MARF1: variants seen among roughly 807,000 people sequenced by gnomAD.
MARF1 encodes the protein limkain-b1.
A neutral mutation model predicts 168.2 loss-of-function variants in MARF1; 24 were observed. The observed-to-expected ratio is 0.14, with a 90% CI of 0.10 to 0.20. The LOEUF is 0.20. Among genes scored for constraint, MARF1 ranks in the 10% least tolerant of loss-of-function variants. MARF1 has a pLI of 1.00. For synonymous variants in MARF1, 868 were observed against 822.4 expected (o/e 1.06, Z -0.95); for missense variants, 1,744 against 2,143.6 (o/e 0.81, Z 3.68).
intron 5 of MARF1, among the ~76,000 whole-genome samples, chr16:15,632,553 G>A (rs1309327489): frequency 1.3e-5 from 2 of 152,178 alleles, no homozygotes; most frequent in East Asian, 3.8e-4. Context: ...GATCTGGGGT[G>A]AGGTGGTAGA....
At chr16:15,612,525 C>G (rs2033660092) in intron 17 of MARF1, 32 bp downstream of exon 17, 1 of 1,571,342 alleles carries the variant, frequency 6.4e-7, no homozygotes, top group Middle Eastern at 1.7e-4. Flanking sequence ...ACATTCCTGC[C>G]TGTAAACAAG....
At position 15,636,336 on chromosome 16, in the gene MARF1, A is replaced by G; in HGVS notation, c.151T>C (p.Tyr51His). 6.5e-7 allele frequency: 1 copy of G among 1,535,090 alleles called. No homozygotes were observed. ...ACAGCAACTTTCTTGTTCTCCATGTACTCTTTCTGAGAAAAGAAAATCAGA... is the reference window on the plus strand; with the variant it reads ...ACAGCAACTTTCTTGTTCTCCATGTGCTCTTTCTGAGAAAAGAAAATCAGA... ...TLPHSPQTKE[Y>H]MENKKVAVEL... The change falls in exon 3 of 27, where the codon TAC (tyrosine) becomes CAC (histidine). Residue 51 changes from tyrosine to histidine, a missense_variant. This residue lies in a region of MARF1 where 318 missense variants were observed against 336.6 expected (regional missense o/e 0.94). Coordinates refer to ENST00000396368, the MANE Select transcript of MARF1 (RefSeq NM_014647.4).
At chr16:15,632,928 G>T (rs1333093364) in intron 5 of MARF1, among the ~76,000 whole-genome samples, 4 of 152,036 alleles carry the variant, frequency 2.6e-5, no homozygotes, top group Non-Finnish European at 5.9e-5. Context: ...TTTGTAAATT[G>T]TGAATTATAT....
chr16:15,643,051 G>GGCCCCGCCGCC lies in MARF1; in HGVS notation c.-103_-93dup, dbSNP rs1363190789. 2 of 284,960 alleles carry GGCCCCGCCGCC rather than the reference G, an allele frequency of 7.0e-6. No individual in the cohort carries two copies. Among genetic ancestry groups the GGCCCCGCCGCC allele is most frequent in the Non-Finnish European group, 1.4e-5 (2 of 147,840 alleles). The allele number at this position is 284,960 out of a possible 1,614,324, so 17.7% of individuals were successfully genotyped here. A position where few individuals can be genotyped will look rare whatever the true frequency, so the allele number is the denominator to read the frequency against. ...CCGGCTCCACCTCCGCTCACATTCC[G>GGCCCCGCCGCC]GCCCCGCCGCCTTCCCCCCGCCCCC... On this transcript the variant is annotated 5_prime_UTR_variant, in exon 1 of 27. Transcript: ENST00000396368.
intron 13 of MARF1, among the ~76,000 whole-genome samples, chr16:15,618,228 G>GT (rs937907578): frequency 1.1e-4 from 17 of 152,316 alleles, no homozygotes; most frequent in African/African-American, 3.4e-4. Flanking sequence ...TAAGTGCTCA[G>GT]TAAGTGTTCC....
chr16:15,602,160 C>T lies in MARF1; in HGVS notation c.4457G>A (p.Ser1486Asn). Residue 1486 changes from serine to asparagine, a missense_variant, in exon 23 of 27, where the codon AGT becomes AAT. Ser to Asn is a conservative substitution (Grantham distance 46). Around this residue, in one of 7 missense-constraint regions of MARF1, gnomAD observed 313 missense variants for 337.4 expected, o/e 0.93. Transcript: ENST00000396368. Reference protein sequence around the residue: ...DKMEECVKLTSLYLFAKNVRS... With the variant: ...DKMEECVKLTNLYLFAKNVRS... ...CACATTCTTTGCAAACAAATACAGA[C>T]TTGTGAGCTTCACACATTCTTCCAT... 5 of 1,614,196 alleles carry T rather than the reference C, an allele frequency of 3.1e-6. No homozygotes were observed. The South Asian group carries it at 5.5e-5, about 18-fold the overall frequency.
intron 15 of MARF1, chr16:15,616,783 T>C (rs550555497): frequency 1.2e-5 from 5 of 406,122 alleles, no homozygotes; most frequent in Non-Finnish European, 2.2e-5. Context: ...TGAGCAACTA[T>C]AACACAATGG....
chr16:15,615,438 A>G (rs771143065), intron 16 of MARF1, among the ~76,000 whole-genome samples: 4 of 152,098 alleles, frequency 2.6e-5, no homozygotes, highest in Admixed American at 6.5e-5. Flanking sequence ...ATCCTGGCCA[A>G]TATGGTGAAA....
chr16:15,625,877 G>A, intron 7 of MARF1, 77 bp from the exon 8 acceptor site: 2 of 1,196,298 alleles, frequency 1.7e-6, no homozygotes, highest in South Asian at 1.4e-5. Flanking sequence ...AACAATGGGT[G>A]ACCTCCAAAC....
In MARF1 at chr16:15,635,802, A is replaced by C; in HGVS notation, c.685T>G (p.Phe229Val). The C allele has an allele frequency of 3.1e-6, 5 of 1,614,212 alleles. No homozygotes were observed. Among genetic ancestry groups the C allele is most frequent in the Non-Finnish European group, 4.2e-6 (5 of 1,180,038 alleles). ...AAATGCCCTGGAGCCCCGCTTGTGA[A>C]ATCAGAACAGGGGAAATAGCCAGCG... is the stretch of plus-strand genomic sequence containing the variant. ...TSAGYFPCSDFTSGAPGHLEE... is the reference protein window; with the variant it reads ...TSAGYFPCSDVTSGAPGHLEE... Residue 229 changes from phenylalanine (F) to valine (V), a missense_variant, in exon 3 of 27, where the codon TTC (phenylalanine) becomes GTC (valine). Physicochemically the swap from Phe to Val is conservative, Grantham distance 50. Coordinates refer to ENST00000396368, the MANE Select transcript of MARF1 (RefSeq NM_014647.4).
In MARF1 at chr16:15,618,172, T is replaced by C. The variant is rs114573874; in HGVS notation, c.2721-637A>G. Among the ~76,000 whole-genome samples the C allele has an allele frequency of 5.9e-3, 906 of 152,290 alleles. 8 individuals are homozygous for C. The highest frequency in any genetic ancestry group is 0.021 in the African/African-American group (864 of 41,564). On this transcript the variant is annotated intron_variant, in intron 13 of 26. Coordinates refer to ENST00000396368, the MANE Select transcript of MARF1 (RefSeq NM_014647.4). ...GATAGCGCCTATCTCACAGGGTCAA[T>C]GTGAGGATTAAGTGTGGTTAGGCCT...
intron 1 of MARF1, among the ~76,000 whole-genome samples, chr16:15,640,362 C>G (rs938535375): frequency 1.3e-5 from 2 of 152,184 alleles, no homozygotes; most frequent in Admixed American, 1.3e-4. Flanking sequence ...TCTCAAGTCG[C>G]AGATGTGTTA....
intron 1 of MARF1, among the ~76,000 whole-genome samples, chr16:15,639,765 A>G (rs1411411641): frequency 6.6e-6 from 1 of 152,208 alleles, no homozygotes; most frequent in African/African-American, 2.4e-5. Flanking sequence ...AACACAAAAT[A>G]TCAGAGCATA....
intron 8 of MARF1, 90 bp downstream of exon 8, chr16:15,625,282 A>C: frequency 6.5e-7 from 1 of 1,546,382 alleles, no homozygotes; most frequent in Non-Finnish European, 8.7e-7. Context: ...GAAATCAAAA[A>C]GGGACACGCC....
chr16:15,608,903 C>A (rs80031383), intron 20 of MARF1, among the ~76,000 whole-genome samples: 1,906 of 152,314 alleles, frequency 0.013, 44 homozygotes, highest in African/African-American at 0.044. Flanking sequence ...CTACCTTCAA[C>A]ACGAAGGATT....
In MARF1 at chr16:15,596,745, T is replaced by A. The variant is rs1475200479; in HGVS notation, c.5177A>T (p.Asn1726Ile). 1 of 1,611,118 alleles carries A rather than the reference T, an allele frequency of 6.2e-7. No homozygotes were observed. Among genetic ancestry groups the A allele is most frequent in the Non-Finnish European group, 8.5e-7 (1 of 1,177,738 alleles). Residue 1726 changes from asparagine to isoleucine, a missense_variant, in exon 27 of 27, where the codon AAT becomes ATT. By Grantham distance (149) the Asn-to-Ile change is moderately radical. This residue lies in a region of MARF1 where 313 missense variants were observed against 337.4 expected (regional missense o/e 0.93). Transcript: ENST00000396368. ...VESPAKKQPK[N>I]RVKLAANFSL... ...AAAGTTGGCTGCCAATTTGACTCTA[T>A]TTTTGGGTTGCTTTTTGGCCGGGCT...
chr16:15,599,607 G>A (rs150894618), intron 25 of MARF1, among the ~76,000 whole-genome samples: 106 of 152,332 alleles, frequency 7.0e-4, no homozygotes, highest in African/African-American at 2.4e-3. Flanking sequence ...CTATCTCGCC[G>A]CATGTTATGA....
intron 22 of MARF1, chr16:15,602,598 CAAAG>C (rs778554872): frequency 1.3e-3 from 224 of 166,020 alleles, no homozygotes; most frequent in African/African-American, 5.5e-3. Context: ...ACAAAAAAGA[CAAAG>C]AAGAAGAAAG....
intron 26 of MARF1, among the ~76,000 whole-genome samples, chr16:15,597,229 G>C (rs778150299): frequency 7.2e-5 from 11 of 152,122 alleles, no homozygotes; most frequent in Non-Finnish European, 1.0e-4. Context: ...TTCCATTTTG[G>C]ATTCTCTGCC....
Sources: gnomAD v4.1 joint callset for allele counts (sites outside exome capture counted in the v4.1 genomes callset) on GRCh38, gnomAD v4.1.1 for gene constraint, gnomAD v4.1.1 regional missense constraint, MANE v1.5 for transcripts, NCBI Gene and HGNC (gene_info 2026-07-23, HGNC 2026-07-21) for gene names.